Variants in ARHGEF12 observed in about 807,000 individuals in gnomAD.
The protein encoded by ARHGEF12 is KMT2A/ARHGEF12 fusion protein.
ARHGEF12 carries 66 observed loss-of-function variants against 211.2 expected under a neutral mutation model. The observed-to-expected ratio is 0.31, with a 90% CI of 0.26 to 0.38. The LOEUF is 0.38. Among genes scored for constraint, ARHGEF12 ranks in the 10% least tolerant of loss-of-function variants. The pLI, the probability that ARHGEF12 is intolerant of heterozygous loss-of-function variation, is 1.00. For synonymous variants in ARHGEF12, 592 were observed against 638.4 expected (o/e 0.93, Z 1.09); for missense variants, 1,429 against 1,869.5 (o/e 0.76, Z 4.34).
chr11:120,405,469 G>A (rs1372102956), intron 1 of ARHGEF12, among the ~76,000 whole-genome samples: 1 of 152,112 alleles, frequency 6.6e-6, no homozygotes, highest in Non-Finnish European at 1.5e-5. Context: ...AAACAGGAAA[G>A]TGCCCTTTGT....
intron 5 of ARHGEF12, among the ~76,000 whole-genome samples, chr11:120,421,442 GTT>G (rs869300794): frequency 1.2e-5 from 1 of 83,870 alleles, no homozygotes; most frequent in Non-Finnish European, 2.4e-5. Flanking sequence ...TTTTTTTTTT[GTT>G]TTTTTTTTTT....
rs1292974079 is a variant in ARHGEF12, at chr11:120,445,924, C to T, written c.1345+460C>T. Among the ~76,000 whole-genome samples the T allele has an allele frequency of 3.3e-5, 5 of 150,368 alleles. No homozygotes were observed. The South Asian group carries it at 6.4e-4, about 19-fold the overall frequency. ...CAAAAAAAATAATAATATGGCTGGGCGCAGTGGCTCACGCCTGTAGTACTC... is the reference window on the plus strand; with the variant it reads ...CAAAAAAAATAATAATATGGCTGGGTGCAGTGGCTCACGCCTGTAGTACTC... On this transcript the variant is annotated intron_variant, in intron 16 of 40. Coordinates refer to ENST00000397843, the MANE Select transcript of ARHGEF12 (RefSeq NM_015313.3).
At chr11:120,397,271 A>G (rs1247991526) in intron 1 of ARHGEF12, among the ~76,000 whole-genome samples, 1 of 152,166 alleles carries the variant, frequency 6.6e-6, no homozygotes, top group African/African-American at 2.4e-5. Context: ...TTGCCAAAAC[A>G]AGCTTCTTCA....
chr11:120,380,318 C>CT (rs1311310650), intron 1 of ARHGEF12, among the ~76,000 whole-genome samples: 1 of 152,190 alleles, frequency 6.6e-6, no homozygotes, highest in Admixed American at 6.5e-5. Context: ...AGAAACCAAC[C>CT]TTAGTACATA....
chr11:120,412,212 A>T (rs1944905238), intron 4 of ARHGEF12, among the ~76,000 whole-genome samples: 1 of 152,224 alleles, frequency 6.6e-6, no homozygotes, highest in South Asian at 2.1e-4. Context: ...TGAGAGATTC[A>T]GCAAGGGAAT....
intron 32 of ARHGEF12, 143 bp from the exon 33 acceptor site, chr11:120,475,197 A>G: frequency 1.4e-6 from 1 of 711,380 alleles, no homozygotes. Context: ...TGAAAATGAA[A>G]TTTTAAAAGA....
At chr11:120,432,247 T>A (rs774746769) in intron 11 of ARHGEF12, among the ~76,000 whole-genome samples, 6 of 152,184 alleles carry the variant, frequency 3.9e-5, no homozygotes, top group Non-Finnish European at 7.3e-5. Flanking sequence ...TAAGAGCATG[T>A]TAATATTCCA....
intron 12 of ARHGEF12, chr11:120,438,783 T>C (rs1359556242): frequency 6.6e-6 from 1 of 152,236 alleles, no homozygotes; most frequent in Non-Finnish European, 1.5e-5. Context: ...TCCCCAATCC[T>C]ATATGGTCTT....
Position 120,446,992 on chromosome 11 carries a change from C to A in ARHGEF12, c.1496C>A (p.Thr499Asn), listed in dbSNP as rs753919820. Reference protein sequence around the residue: ...MGLTLAESELTKLDAERDKDR... With the variant: ...MGLTLAESELNKLDAERDKDR... ...CTGACCTTGGCTGAAAGCGAGCTGA[C>A]TAAACTTGATGCAGAGCGAGACAAG... Residue 499 changes from threonine to asparagine, a missense_variant, in exon 18 of 41, where the codon ACT (threonine) becomes AAT (asparagine). This residue lies in a region of ARHGEF12 where 373 missense variants were observed against 467.5 expected (regional missense o/e 0.80). Transcript: ENST00000397843. The A allele has an allele frequency of 4.3e-6, 7 of 1,614,068 alleles. No homozygotes were observed. In the African/African-American group the frequency reaches 8.0e-5, roughly 18 times the overall value.
chr11:120,427,969 C>A, intron 7 of ARHGEF12, 100 bp from the exon 8 acceptor site: 1 of 1,028,486 alleles, frequency 9.7e-7, no homozygotes, highest in Non-Finnish European at 1.4e-6. Flanking sequence ...ATAACTGGAT[C>A]TTTTAGAACT....
At chr11:120,449,036 G>C in intron 20 of ARHGEF12, 73 bp from the exon 21 acceptor site, 2 of 1,236,764 alleles carry the variant, frequency 1.6e-6, no homozygotes, top group Non-Finnish European at 1.2e-6. Context: ...CTAACCATTA[G>C]CATTACACTA....
intron 1 of ARHGEF12, among the ~76,000 whole-genome samples, chr11:120,359,631 T>C (rs1187188357): frequency 1.3e-5 from 2 of 152,232 alleles, no homozygotes; most frequent in African/African-American, 4.8e-5. Context: ...TGTATAGGAA[T>C]GAGTTCTTAG....
intron 30 of ARHGEF12, among the ~76,000 whole-genome samples, chr11:120,470,330 G>A (rs560500346): frequency 6.6e-6 from 1 of 152,322 alleles, no homozygotes; most frequent in African/African-American, 2.4e-5. Context: ...GAAGTATTTA[G>A]AAGGTAAAAT....
Position 120,481,297 on chromosome 11 carries a change from G to A in ARHGEF12, c.4275G>A (p.Gln1425=). Residue 1425 remains glutamine (Q), a synonymous_variant, in exon 39 of 41, where the codon CAG becomes CAA. Coordinates refer to ENST00000397843, the MANE Select transcript of ARHGEF12 (RefSeq NM_015313.3). ...TCCTTGATGGCTATGACCCAGTGCA[G>A]GAGAGTTCCACAGATGAGGAGGTTG... ...YLILDGYDPV[Q]ESSTDEEVAS... is the part of the protein sequence containing the mutation. 1 of 1,614,200 alleles carries A rather than the reference G, an allele frequency of 6.2e-7. No homozygotes were observed. Among genetic ancestry groups the A allele is most frequent in the African/African-American group, 1.3e-5 (1 of 75,038 alleles).
chr11:120,467,851 ACTGT>A (rs1272906881), intron 29 of ARHGEF12, among the ~76,000 whole-genome samples: 1 of 152,090 alleles, frequency 6.6e-6, no homozygotes, highest in Admixed American at 6.5e-5. Flanking sequence ...AGTCATGCTC[ACTGT>A]CTGTTTTTGT....
intron 21 of ARHGEF12, chr11:120,450,081 A>G (rs1052942207): frequency 1.3e-5 from 2 of 152,150 alleles, no homozygotes; most frequent in African/African-American, 4.8e-5. Flanking sequence ...CACATTTGAA[A>G]ATACTGAAGC....
At chr11:120,381,583 T>C (rs1386907607) in intron 1 of ARHGEF12, among the ~76,000 whole-genome samples, 2 of 152,224 alleles carry the variant, frequency 1.3e-5, no homozygotes, top group Admixed American at 6.5e-5. Flanking sequence ...ACATTTGTAA[T>C]GCAGTTAGTT....
At chr11:120,415,351 C>T (rs1944998727) in intron 4 of ARHGEF12, among the ~76,000 whole-genome samples, 1 of 151,916 alleles carries the variant, frequency 6.6e-6, no homozygotes, top group Non-Finnish European at 1.5e-5. Flanking sequence ...ATTTTATGTT[C>T]TTTGAGAACA....
intron 28 of ARHGEF12, 52 bp from the exon 29 acceptor site, chr11:120,467,142 T>C (rs575589297): frequency 2.6e-6 from 3 of 1,172,742 alleles, no homozygotes; most frequent in East Asian, 4.7e-5. Context: ...ACATGGTACA[T>C]GTATAAGTTC....
Sources: allele counts gnomAD v4.1 joint callset (sites outside exome capture counted in the v4.1 genomes callset), GRCh38; gene constraint gnomAD v4.1.1; regional missense constraint gnomAD v4.1.1; transcripts MANE v1.5; gene names NCBI Gene and HGNC (gene_info 2026-07-23, HGNC 2026-07-21).